The following NEGR1 variants were observed in gnomAD, a reference collection of about 807,000 sequenced individuals.
The protein encoded by NEGR1 is neuronal growth regulator 1.
In NEGR1, 10 loss-of-function variants were observed where a neutral mutation model predicts 40.9. The observed-to-expected ratio is 0.24, with a 90% confidence interval of 0.15 to 0.42. The LOEUF (loss-of-function observed/expected upper bound fraction) is 0.42. Among genes scored for constraint, NEGR1 ranks in the 10% least tolerant of loss-of-function variants. The probability of loss-of-function intolerance (pLI) is 1.00; values close to 1 mark genes in which losing one functional copy is unlikely to be tolerated. For missense variants in NEGR1, 352 were observed against 438.9 expected, an observed-to-expected ratio of 0.80 and a Z score of 1.77; for synonymous variants, 185 against 166.8, an observed-to-expected ratio of 1.11 and a Z score of -0.84.
chr1:71,870,880 C>A (rs1660260059), intron 2 of NEGR1, among the ~76,000 whole-genome samples: 1 of 152,100 alleles, frequency 6.6e-6, no homozygotes, highest in Non-Finnish European at 1.5e-5. Flanking sequence ...CAACATACAC[C>A]CAAAATGCAA....
At chr1:71,870,393 T>C (rs1000087793) in intron 2 of NEGR1, among the ~76,000 whole-genome samples, 1 of 152,154 alleles carries the variant, frequency 6.6e-6, no homozygotes, top group South Asian at 2.1e-4. Context: ...CAATTTATAG[T>C]TATAGAAATG....
chr1:72,269,754 T>G (rs1655780637), intron 1 of NEGR1, among the ~76,000 whole-genome samples: 2 of 151,616 alleles, frequency 1.3e-5, no homozygotes, highest in Admixed American at 6.6e-5. Flanking sequence ...GGATGAGAGG[T>G]TTTTTTCAGA....
intron 3 of NEGR1, among the ~76,000 whole-genome samples, chr1:71,746,066 C>T (rs997856949): frequency 4.6e-5 from 7 of 152,136 alleles, no homozygotes; most frequent in Non-Finnish European, 7.4e-5. Context: ...TTTCATTGAA[C>T]CTACGCATAA....
intron 1 of NEGR1, among the ~76,000 whole-genome samples, chr1:72,277,095 C>T (rs1028915024): frequency 3.3e-5 from 5 of 152,072 alleles, no homozygotes; most frequent in African/African-American, 7.2e-5. Flanking sequence ...GGGAGAAATG[C>T]CCTAGCCCCT....
rs537521329 is a variant in NEGR1, at chr1:71,648,063, T to C, written c.668-36917A>G. 4.6e-5 allele frequency among the ~76,000 whole-genome samples: 7 copies of C among 152,168 alleles called. No individual in the cohort carries two copies. In the South Asian group the frequency reaches 1.0e-3, roughly 22 times the overall value. On this transcript the variant is annotated intron_variant, in intron 4 of 6. Transcript: ENST00000357731. ...ATTTAATATATCCTACTAGTTTTTC[T>C]TGAGCCTGAAAAATATGCAGCCAAC... is the stretch of plus-strand genomic sequence containing the variant.
intron 6 of NEGR1, among the ~76,000 whole-genome samples, chr1:71,542,221 C>T (rs140470401): frequency 3.6e-4 from 54 of 151,754 alleles, no homozygotes; most frequent in African/African-American, 1.3e-3. Context: ...CGGGGAACCT[C>T]TCATGGTCAA....
At chr1:72,236,448 GA>G (rs1654548621) in intron 1 of NEGR1, among the ~76,000 whole-genome samples, 1 of 150,338 alleles carries the variant, frequency 6.7e-6, no homozygotes, top group Admixed American at 6.6e-5. Context: ...AGAAGAAGAA[GA>G]AAAAAATGCA....
At chr1:71,964,323 A>G (rs1646193009) in intron 1 of NEGR1, among the ~76,000 whole-genome samples, 1 of 152,156 alleles carries the variant, frequency 6.6e-6, no homozygotes, top group Non-Finnish European at 1.5e-5. Context: ...CGAGGCAGGA[A>G]TTCTTAGGGT....
chr1:71,397,486 C>T lies in NEGR1; in HGVS notation c.*9960G>A, dbSNP rs1165040639. On this transcript the variant is annotated 3_prime_UTR_variant, in exon 7 of 7. Transcript: ENST00000357731. ...AGATTACAGGCATGTGCCACCATGC[C>T]TCACTAATTTTTATATTTTTAGTAG... The T allele has an allele frequency of 6.6e-6, 1 of 152,178 alleles. No homozygotes were observed. Among genetic ancestry groups the T allele is most frequent in the Non-Finnish European group, 1.5e-5 (1 of 68,102 alleles). The allele number at this position is 152,178 out of a possible 1,614,324, so 9.4% of individuals were successfully genotyped here.
At chr1:71,756,966 T>C (rs562838352) in intron 3 of NEGR1, among the ~76,000 whole-genome samples, 167 of 152,168 alleles carry the variant, frequency 1.1e-3, no homozygotes, top group Non-Finnish European at 2.1e-3. Flanking sequence ...AGAATGGCTT[T>C]AATTTATAAA....
intron 1 of NEGR1, among the ~76,000 whole-genome samples, chr1:71,997,450 C>T (rs6678735): frequency 0.14 from 21,140 of 151,908 alleles, 1,918 homozygotes; most frequent in East Asian, 0.43. Flanking sequence ...TTCACTTAAA[C>T]GCAAATGTCC....
intron 1 of NEGR1, among the ~76,000 whole-genome samples, chr1:71,991,922 G>C (rs1646456503): frequency 6.6e-6 from 1 of 152,064 alleles, no homozygotes; most frequent in Non-Finnish European, 1.5e-5. Flanking sequence ...CTCCCGAATA[G>C]CTGGGACTGC....
intron 6 of NEGR1, among the ~76,000 whole-genome samples, chr1:71,492,453 C>T (rs969487662): frequency 4.0e-5 from 6 of 148,846 alleles, no homozygotes; most frequent in Non-Finnish European, 8.9e-5. Context: ...TAGCTAGGTA[C>T]TTGATCTTGA....
chr1:71,559,009 CTG>C (rs573407911), intron 6 of NEGR1, among the ~76,000 whole-genome samples: 8 of 120,090 alleles, frequency 6.7e-5, no homozygotes, highest in African/African-American at 2.4e-4. Flanking sequence ...TTTATCTTCT[CTG>C]TGTGTGTGTA....
intron 1 of NEGR1, among the ~76,000 whole-genome samples, chr1:72,052,967 G>C (rs1647076124): frequency 6.6e-6 from 1 of 151,516 alleles, no homozygotes; most frequent in Middle Eastern, 3.4e-3. Flanking sequence ...TTCCAAGCCT[G>C]AGTCAACACT....
At chr1:72,279,989 T>TA (rs1347836779) in intron 1 of NEGR1, among the ~76,000 whole-genome samples, 4 of 152,138 alleles carry the variant, frequency 2.6e-5, no homozygotes, top group Admixed American at 6.5e-5. Context: ...TTTCATATGA[T>TA]AAAAAAATTT....
chr1:71,973,188 C>T (rs1040757012), intron 1 of NEGR1, among the ~76,000 whole-genome samples: 1 of 151,954 alleles, frequency 6.6e-6, no homozygotes, highest in African/African-American at 2.4e-5. Flanking sequence ...TGGTGGCGGG[C>T]GCCTGTAGTC....
intron 6 of NEGR1, among the ~76,000 whole-genome samples, chr1:71,582,855 A>G (rs187889639): frequency 6.6e-6 from 1 of 152,330 alleles, no homozygotes; most frequent in Admixed American, 6.5e-5. Context: ...GGCAGAATCA[A>G]TGCAAGTGTG....
chr1:72,006,455 T>A (rs755001925), intron 1 of NEGR1, among the ~76,000 whole-genome samples: 2 of 152,154 alleles, frequency 1.3e-5, no homozygotes, highest in Non-Finnish European at 2.9e-5. Context: ...CCTCTATAAG[T>A]GTCAGTGCCA....
Sources: allele counts gnomAD v4.1 joint callset (sites outside exome capture counted in the v4.1 genomes callset), GRCh38; gene constraint gnomAD v4.1.1; transcripts MANE v1.5; gene names NCBI Gene and HGNC (gene_info 2026-07-23, HGNC 2026-07-21).